The following CSTPP1 variants were observed in gnomAD, a reference collection of about 807,000 sequenced individuals.
CSTPP1 encodes UPF0705 protein C11orf49.
chr11:47,003,034 G>C, the CSTPP1 span, among the ~76,000 whole-genome samples: 33 of 152,122 alleles, frequency 2.2e-4, no homozygotes, highest in African/African-American at 7.5e-4. Flanking sequence ...AACTAGGCCA[G>C]ATTATAGGCT....
the CSTPP1 span, among the ~76,000 whole-genome samples, chr11:46,981,583 C>T: frequency 5.3e-5 from 8 of 151,888 alleles, no homozygotes; most frequent in Non-Finnish European, 1.0e-4. Context: ...GATAATACAA[C>T]GTAAGATGGG....
chr11:47,083,331 C>T, the CSTPP1 span, among the ~76,000 whole-genome samples: 3 of 152,180 alleles, frequency 2.0e-5, no homozygotes, highest in Admixed American at 1.3e-4. Flanking sequence ...GATTATACCA[C>T]ATTTTGTCTA....
the CSTPP1 span, among the ~76,000 whole-genome samples, chr11:47,090,666 G>A: frequency 1.3e-5 from 2 of 152,142 alleles, no homozygotes; most frequent in Non-Finnish European, 2.9e-5. Context: ...CAGGAATTAG[G>A]TTAAATCTTT....
At chr11:47,017,169 A>G in the CSTPP1 span, among the ~76,000 whole-genome samples, 1 of 100,288 alleles carries the variant, frequency 1.0e-5, no homozygotes, top group Non-Finnish European at 2.0e-5. Flanking sequence ...ATTTAATTCT[A>G]TGAATTTTTT....
At chr11:47,032,502 TC>T in the CSTPP1 span, among the ~76,000 whole-genome samples, 1 of 152,184 alleles carries the variant, frequency 6.6e-6, no homozygotes, top group Admixed American at 6.5e-5. Context: ...GGAAGCATCT[TC>T]AGACCATTTC....
At chr11:46,988,527 T>C in the CSTPP1 span, among the ~76,000 whole-genome samples, 3 of 151,400 alleles carry the variant, frequency 2.0e-5, no homozygotes, top group Non-Finnish European at 4.4e-5. Context: ...ATTAAACTCA[T>C]GGACAAAGAG....
the CSTPP1 span, among the ~76,000 whole-genome samples, chr11:46,955,992 C>T: frequency 4.7e-5 from 7 of 149,108 alleles, no homozygotes; most frequent in South Asian, 2.2e-4. Flanking sequence ...ATCCACCCCC[C>T]CCCCCCCACC....
At chr11:47,054,593 A>C in the CSTPP1 span, among the ~76,000 whole-genome samples, 322 of 152,142 alleles carry the variant, frequency 2.1e-3, 1 homozygote, top group African/African-American at 7.5e-3. Flanking sequence ...GTGAGCCACC[A>C]TGCCCCATCT....
the CSTPP1 span, among the ~76,000 whole-genome samples, chr11:46,938,762 TTTTTTTTTTTTCTTCTTC>T: frequency 2.7e-4 from 31 of 115,580 alleles, no homozygotes; most frequent in South Asian, 2.4e-4. Flanking sequence ...CATGCACATC[TTTTTTTTTTTTCTTCTTC>T]TTTTTTTTTT....
At chr11:46,974,400 C>T in the CSTPP1 span, among the ~76,000 whole-genome samples, 6 of 151,392 alleles carry the variant, frequency 4.0e-5, no homozygotes, top group South Asian at 6.2e-4. Context: ...TGGTGCCAGG[C>T]GCCTGTAATC....
the CSTPP1 span, among the ~76,000 whole-genome samples, chr11:47,086,272 A>G: frequency 7.0e-6 from 1 of 143,748 alleles, no homozygotes; most frequent in African/African-American, 2.6e-5. Context: ...TGGCTGTGGT[A>G]GTACATACCT....
the CSTPP1 span, among the ~76,000 whole-genome samples, chr11:47,122,216 G>A: frequency 1.3e-5 from 2 of 149,530 alleles, no homozygotes; most frequent in Admixed American, 1.3e-4. Flanking sequence ...TCATTTGAAG[G>A]GGTTTATAAC....
At chr11:47,142,487 A>G in the CSTPP1 span, among the ~76,000 whole-genome samples, 6 of 152,080 alleles carry the variant, frequency 3.9e-5, no homozygotes, top group Non-Finnish European at 7.4e-5. Flanking sequence ...ACAGTCATGA[A>G]TAAGATATAG....
chr11:47,031,528 C>CA, the CSTPP1 span, among the ~76,000 whole-genome samples: 1 of 151,792 alleles, frequency 6.6e-6, no homozygotes, highest in Non-Finnish European at 1.5e-5. Flanking sequence ...TCTGTCTTTA[C>CA]AAAAAATAAA....
chr11:46,947,638 A>T, the CSTPP1 span, among the ~76,000 whole-genome samples: 3 of 152,218 alleles, frequency 2.0e-5, no homozygotes, highest in Admixed American at 2.0e-4. Flanking sequence ...TCTTCATTCA[A>T]TTAGCTTTTA....
At chr11:47,160,973 A>G in the CSTPP1 span, 1 of 911,328 alleles carries the variant, frequency 1.1e-6, no homozygotes, top group South Asian at 1.7e-5. Context: ...CTGCTCCGTG[A>G]CTGTTCTTGG....
the CSTPP1 span, among the ~76,000 whole-genome samples, chr11:47,116,239 TG>T: frequency 6.6e-6 from 1 of 152,200 alleles, no homozygotes; most frequent in Non-Finnish European, 1.5e-5. Context: ...CTTCCAATTA[TG>T]TGGTCAATTT....
At chr11:46,980,365 A>C in the CSTPP1 span, among the ~76,000 whole-genome samples, 1 of 152,220 alleles carries the variant, frequency 6.6e-6, no homozygotes, top group Non-Finnish European at 1.5e-5. Context: ...GACTAGCCGT[A>C]TAGCAGGACT....
chr11:46,965,366 A>G, the CSTPP1 span, among the ~76,000 whole-genome samples: 1 of 151,708 alleles, frequency 6.6e-6, no homozygotes, highest in Admixed American at 6.6e-5. Context: ...CTGGGATTAC[A>G]GGCATGCACC....
Sources: allele counts gnomAD v4.1 joint callset (sites outside exome capture counted in the v4.1 genomes callset), GRCh38; gene constraint gnomAD v4.1.1; transcripts MANE v1.5; gene names NCBI Gene and HGNC (gene_info 2026-07-23, HGNC 2026-07-21).